KAT7: variants seen among roughly 807,000 people sequenced by gnomAD.
The protein encoded by KAT7 is histone acetyltransferase KAT7.
Under a neutral mutation model 82.1 loss-of-function variants are expected in KAT7, and 10 were observed. The ratio of observed to expected loss-of-function variants is 0.12; its 90% CI spans 0.08 to 0.21. The LOEUF (loss-of-function observed/expected upper bound fraction) is 0.21. Ranked by LOEUF, KAT7 falls within the 10% of genes least tolerant of loss-of-function variation. KAT7 has a pLI of 1.00. For synonymous variants in KAT7, 250 were observed against 262.5 expected (o/e 0.95, Z 0.46); for missense variants, 378 against 760.9 (o/e 0.50, Z 5.92).
intron 2 of KAT7, among the ~76,000 whole-genome samples, chr17:49,792,452 T>G (rs2073902427): frequency 6.6e-6 from 1 of 152,166 alleles, no homozygotes; most frequent in South Asian, 2.1e-4. Flanking sequence ...TTTTTTAACT[T>G]TACAGTGGTG....
rs2143878350 is a variant in KAT7, at chr17:49,800,983, T to C, written c.580+2425T>C. Among the ~76,000 whole-genome samples the C allele has an allele frequency of 2.6e-5, 4 of 152,270 alleles. No individual in the cohort carries two copies. The South Asian group carries it at 8.3e-4, about 32-fold the overall frequency. The stretch of plus-strand genomic sequence containing the variant: ...TATGGGTAAGGAGAACAGCAAGTGC[T>C]CTGGGCAAGAGAATAGTTAACCAGT... On this transcript the variant is annotated intron_variant, in intron 4 of 14. Coordinates refer to ENST00000259021, the MANE Select transcript of KAT7 (RefSeq NM_007067.5).
At position 49,826,677 on chromosome 17, in the gene KAT7, ACTT is replaced by A. The variant is rs773769380; in HGVS notation, c.1628-10_1628-8del. ...CCTGCACTTTGGCCAGGTTGTCAGT[ACTT>A]CTTCTGTTTCAGAAATCAGTCAGGA... On this transcript the variant is annotated splice_polypyrimidine_tract_variant and intron_variant, in intron 13 of 14. Coordinates refer to ENST00000259021, the MANE Select transcript of KAT7 (RefSeq NM_007067.5). The A allele has an allele frequency of 1.3e-5, 20 of 1,586,978 alleles. No individual in the cohort carries two copies. The South Asian group carries it at 1.5e-4, about 12-fold the overall frequency.
At chr17:49,811,405 C>T (rs2074163477) in intron 6 of KAT7, 71 bp from the exon 7 acceptor site, 1 of 764,518 alleles carries the variant, frequency 1.3e-6, no homozygotes, top group East Asian at 2.8e-5. Context: ...CTGTGCCGGG[C>T]CTTGGCACTT....
intron 3 of KAT7, 73 bp from the exon 4 acceptor site, chr17:49,798,246 C>G: frequency 1.4e-6 from 2 of 1,436,754 alleles, no homozygotes; most frequent in Non-Finnish European, 1.9e-6. Flanking sequence ...CTGGGAAGCC[C>G]ATAAACTCTG....
At position 49,814,589 on chromosome 17, in the gene KAT7, G is replaced by A. The variant is rs563135347; in HGVS notation, c.853-1214G>A. 4.0e-3 allele frequency among the ~76,000 whole-genome samples: 609 copies of A among 152,282 alleles called. 2 individuals carry two copies. The highest frequency in any genetic ancestry group is 7.0e-3 in the South Asian group (34 of 4,828). ...CTAAAATCATACAGGCAGAAAGAGT[G>A]TCTGAAGTAAAAGTTCTTGAAATTT... On this transcript the variant is annotated intron_variant, in intron 7 of 14. Transcript: ENST00000259021.
chr17:49,806,950 G>C (rs1009146115), intron 5 of KAT7, among the ~76,000 whole-genome samples: 1 of 152,214 alleles, frequency 6.6e-6, no homozygotes, highest in East Asian at 1.9e-4. Flanking sequence ...AGAACCCTAA[G>C]TGGAAAGATT....
intron 6 of KAT7, among the ~76,000 whole-genome samples, chr17:49,810,488 C>T (rs1887996160): frequency 6.6e-6 from 1 of 152,172 alleles, no homozygotes; most frequent in Admixed American, 6.5e-5. Flanking sequence ...AACTCCTGAC[C>T]TCCAGTAATC....
intron 4 of KAT7, 40 bp downstream of exon 4, chr17:49,798,598 G>A: frequency 6.4e-7 from 1 of 1,557,230 alleles, no homozygotes; most frequent in African/African-American, 1.4e-5. Context: ...TTGTTCTGTG[G>A]TTCTCTCTCC....
intron 4 of KAT7, among the ~76,000 whole-genome samples, chr17:49,804,877 T>G (rs1486792073): frequency 2.0e-5 from 3 of 152,248 alleles, no homozygotes; most frequent in Non-Finnish European, 4.4e-5. Context: ...TAAGTATGTT[T>G]ACTTATATGA....
intron 9 of KAT7, among the ~76,000 whole-genome samples, chr17:49,818,593 A>AT (rs1164254015): frequency 2.0e-5 from 3 of 151,928 alleles, no homozygotes; most frequent in African/African-American, 7.3e-5. Flanking sequence ...GGTTTACTAG[A>AT]TTTTTTGCAG....
intron 4 of KAT7, among the ~76,000 whole-genome samples, chr17:49,804,402 A>G (rs1229247483): frequency 2.6e-5 from 4 of 152,056 alleles, no homozygotes; most frequent in South Asian, 2.1e-4. Context: ...AGAAAAATAC[A>G]TGAATGAAGA....
chr17:49,789,103 C>A, intron 1 of KAT7: 1 of 377,870 alleles, frequency 2.6e-6, no homozygotes, highest in South Asian at 8.8e-5. Context: ...GCTGAAACGT[C>A]TGGAAGCATA....
At chr17:49,805,171 C>A (rs2074075910) in intron 4 of KAT7, among the ~76,000 whole-genome samples, 192 bp from the exon 5 acceptor site, 1 of 152,148 alleles carries the variant, frequency 6.6e-6, no homozygotes, top group Non-Finnish European at 1.5e-5. Context: ...CAAAGACTGC[C>A]AGATCCATCC....
intron 1 of KAT7, among the ~76,000 whole-genome samples, chr17:49,790,974 GATA>G (rs2073880566): frequency 6.6e-6 from 1 of 152,184 alleles, no homozygotes. Flanking sequence ...TCCTCAGGAG[GATA>G]ATAATTGACA....
intron 1 of KAT7, among the ~76,000 whole-genome samples, chr17:49,790,379 T>C (rs550891395): frequency 6.8e-4 from 104 of 152,256 alleles, no homozygotes; most frequent in South Asian, 1.9e-3. Context: ...GTATGTTTAA[T>C]AGAGACGGGA....
intron 9 of KAT7, among the ~76,000 whole-genome samples, chr17:49,820,557 G>A (rs1313099213): frequency 3.3e-5 from 5 of 152,104 alleles, no homozygotes; most frequent in Non-Finnish European, 7.4e-5. Context: ...GGGATTACAG[G>A]CGTGAGCCAC....
intron 8 of KAT7, among the ~76,000 whole-genome samples, chr17:49,816,740 C>G (rs750023543): frequency 2.0e-5 from 3 of 152,146 alleles, no homozygotes; most frequent in Non-Finnish European, 4.4e-5. Context: ...CCTTTTACAA[C>G]TTTACACCTG....
At position 49,832,556 on chromosome 17, in the gene KAT7, G is replaced by C. The variant is rs1000331392; in HGVS notation, c.*5054G>C. 1 of 152,200 alleles carries C rather than the reference G, an allele frequency of 6.6e-6. No homozygotes were observed. The highest frequency in any genetic ancestry group is 1.5e-5 in the Non-Finnish European group (1 of 68,044). 9.4% of individuals were successfully genotyped at this position (152,200 alleles called of 1,614,324 possible). ...GTTGAAGTCCATTCTTGGACATGGA[G>C]TTAAGAAACCCTGGTTTGAGAAAAA... On this transcript the variant is annotated 3_prime_UTR_variant, in exon 15 of 15. Coordinates refer to ENST00000259021, the MANE Select transcript of KAT7 (RefSeq NM_007067.5).
chr17:49,809,971 A>T (rs1207563661), intron 6 of KAT7, among the ~76,000 whole-genome samples: 1 of 152,166 alleles, frequency 6.6e-6, no homozygotes, highest in Non-Finnish European at 1.5e-5. Context: ...TTGCAGTTAG[A>T]TTATAGTTGG....
Sources: allele counts gnomAD v4.1 joint callset (sites outside exome capture counted in the v4.1 genomes callset), GRCh38; gene constraint gnomAD v4.1.1; transcripts MANE v1.5; gene names NCBI Gene and HGNC (gene_info 2026-07-23, HGNC 2026-07-21).